USP7: variants seen among roughly 807,000 people sequenced by gnomAD.
USP7 encodes the protein ubiquitin C-terminal hydrolase 7.
Under a neutral mutation model 162.9 loss-of-function variants are expected in USP7, and 9 were observed. The ratio of observed to expected loss-of-function variants is 0.06; its 90% CI spans 0.03 to 0.10. The LOEUF is 0.10. USP7 is among the 10% of genes least tolerant of loss of function. The pLI, the probability that USP7 is intolerant of heterozygous loss-of-function variation, is 1.00. For missense variants in USP7, 715 were observed against 1,373.7 expected, an observed-to-expected ratio of 0.52 and a Z score of 7.58; for synonymous variants, 562 against 475.9, an observed-to-expected ratio of 1.18 and a Z score of -2.35.
rs1897799447 is a variant in USP7, at chr16:8,923,196, TA to T, written c.383+18del. On this transcript the variant is annotated intron_variant, in intron 3 of 30. Coordinates refer to ENST00000344836, the MANE Select transcript of USP7 (RefSeq NM_003470.3). ...TAGGCTGATCAAATTTGGCTTCCAGTAATGAAATACTGTCTTACGTGGAATC... is the reference window on the plus strand; with the variant it reads ...TAGGCTGATCAAATTTGGCTTCCAGTATGAAATACTGTCTTACGTGGAATC... The T allele has an allele frequency of 1.7e-5, 2 of 114,550 alleles. No homozygotes were observed. The highest frequency in any genetic ancestry group is 1.1e-4 in the South Asian group (2 of 18,472). 7.1% of individuals were successfully genotyped at this position (114,550 alleles called of 1,614,324 possible).
rs114199899 is a variant in USP7 at position 8,954,818 on chromosome 16, G to A, written c.79+8389C>T. Among the ~76,000 whole-genome samples, 1,131 of 152,172 alleles carry A rather than the reference G, an allele frequency of 7.4e-3. 20 individuals are homozygous for A. The highest frequency in any genetic ancestry group is 0.024 in the African/African-American group (1,000 of 41,510). On this transcript the variant is annotated intron_variant, in intron 1 of 30. Transcript: ENST00000344836. Reference sequence around the variant, plus strand: ...TACTAAAGATACAAAAAAATTAGCCGGTGCGGTGAGGGGCGCCTGTAGTCC... The same window carrying A: ...TACTAAAGATACAAAAAAATTAGCCAGTGCGGTGAGGGGCGCCTGTAGTCC...
intron 10 of USP7, 97 bp from the exon 11 acceptor site, chr16:8,910,924 G>T: frequency 1.9e-6 from 2 of 1,032,184 alleles, no homozygotes; most frequent in Non-Finnish European, 2.9e-6. Flanking sequence ...TTTAGGATTA[G>T]CAGAGAAGGT....
intron 1 of USP7, among the ~76,000 whole-genome samples, chr16:8,934,676 A>AC (rs1223867574): frequency 5.9e-5 from 9 of 152,204 alleles, no homozygotes; most frequent in African/African-American, 2.2e-4. Flanking sequence ...CCAAATTAAC[A>AC]CATCTGAGTT....
chr16:8,961,045 G>A (rs772380599), intron 1 of USP7, among the ~76,000 whole-genome samples: 9 of 152,174 alleles, frequency 5.9e-5, no homozygotes, highest in Non-Finnish European at 1.2e-4. Context: ...TTGAGATTCT[G>A]CTAAATTTAC....
In USP7 at chr16:8,900,562, T is replaced by C; in HGVS notation, c.2277A>G (p.Glu759=). 4 of 1,611,654 alleles carry C rather than the reference T, an allele frequency of 2.5e-6. No individual in the cohort carries two copies. Among genetic ancestry groups the C allele is most frequent in the Non-Finnish European group, 3.4e-6 (4 of 1,179,484 alleles). The stretch of plus-strand genomic sequence containing the variant: ...ATACTATGATGTCACCATCCATTAG[T>C]TCATCAAGGGCTTTATCAAGAGACA... ...YDVSLDKALD[E]LMDGDIIVFQ... The change falls in exon 21 of 31, where the codon GAA becomes GAG. Residue 759 remains glutamate (E), a synonymous_variant. Transcript: ENST00000344836.
intron 16 of USP7, among the ~76,000 whole-genome samples, chr16:8,902,741 A>G (rs995621766): frequency 1.3e-5 from 2 of 152,076 alleles, no homozygotes; most frequent in Non-Finnish European, 2.9e-5. Flanking sequence ...TACAAAAATC[A>G]GCTGGGCCTG....
intron 1 of USP7, among the ~76,000 whole-genome samples, chr16:8,959,506 G>T (rs182010819): frequency 1.3e-5 from 2 of 152,124 alleles, no homozygotes; most frequent in East Asian, 1.9e-4. Flanking sequence ...AAAACCTGAC[G>T]TGCTCACATC....
chr16:8,929,589 G>A (rs552459384), intron 2 of USP7: 1 of 456,050 alleles, frequency 2.2e-6, no homozygotes, highest in East Asian at 7.0e-5. Flanking sequence ...CATGCTTTTT[G>A]ACAGAACATG....
intron 22 of USP7, 70 bp from the exon 23 acceptor site, chr16:8,899,258 T>C: frequency 6.7e-7 from 1 of 1,487,786 alleles, no homozygotes; most frequent in East Asian, 2.3e-5. Flanking sequence ...TCATGCTTAA[T>C]TACTTAAAAT....
chr16:8,914,890 A>T (rs993394379), intron 10 of USP7, among the ~76,000 whole-genome samples: 1 of 152,252 alleles, frequency 6.6e-6, no homozygotes, highest in Non-Finnish European at 1.5e-5. Flanking sequence ...CAGCCTGTAC[A>T]GCACAACAAG....
intron 1 of USP7, among the ~76,000 whole-genome samples, chr16:8,950,606 A>G (rs939959448): frequency 4.6e-5 from 7 of 152,066 alleles, no homozygotes; most frequent in African/African-American, 1.7e-4. Context: ...GGGCGCTGAC[A>G]GAGACAACAG....
intron 1 of USP7, among the ~76,000 whole-genome samples, chr16:8,951,547 C>G (rs952683294): frequency 3.3e-5 from 5 of 152,126 alleles, no homozygotes; most frequent in African/African-American, 1.2e-4. Flanking sequence ...CCTATTTGCT[C>G]ATCTGTAAAT....
intron 1 of USP7, chr16:8,936,539 A>G (rs2141242764): frequency 6.7e-7 from 1 of 1,495,764 alleles, no homozygotes; most frequent in Non-Finnish European, 8.9e-7. Flanking sequence ...GGTTATCTCC[A>G]TCCATCACCA....
At chr16:8,914,478 GGA>G (rs2061998590) in intron 10 of USP7, among the ~76,000 whole-genome samples, 1 of 152,110 alleles carries the variant, frequency 6.6e-6, no homozygotes, top group Non-Finnish European at 1.5e-5. Context: ...CACCTCAAAT[GGA>G]GACCAACCCA....
intron 1 of USP7, among the ~76,000 whole-genome samples, chr16:8,939,423 C>T (rs1042183819): frequency 2.6e-5 from 4 of 152,222 alleles, no homozygotes; most frequent in South Asian, 2.1e-4. Context: ...GCCATTTGAC[C>T]ATTCACTTGC....
chr16:8,955,276 G>C (rs1899740235), intron 1 of USP7, among the ~76,000 whole-genome samples: 1 of 152,200 alleles, frequency 6.6e-6, no homozygotes, highest in Non-Finnish European at 1.5e-5. Context: ...ATTGGGGCCA[G>C]TGTCTCACCC....
At chr16:8,963,168 C>A (rs1343160509) in intron 1 of USP7, 39 bp downstream of exon 1, 1 of 1,385,004 alleles carries the variant, frequency 7.2e-7, no homozygotes, top group South Asian at 1.3e-5. Flanking sequence ...CAATGAAAGG[C>A]GCCCCCCGGC....
chr16:8,936,175 C>A (rs1457383551), intron 1 of USP7, among the ~76,000 whole-genome samples: 1 of 152,194 alleles, frequency 6.6e-6, no homozygotes. Flanking sequence ...GGTGTCTCCA[C>A]TCAGCCCCCC....
rs1491292288 is a variant in USP7, at chr16:8,955,719, A to AAC, written c.79+7487_79+7488insGT. On this transcript the variant is annotated intron_variant, in intron 1 of 30. Transcript: ENST00000344836. ...GATTCCATCTCAAAAAAAAAAAAAA[A>AAC]AAAAAAACATTGCACAGGGTCAATT... Among the ~76,000 whole-genome samples, 380 of 131,716 alleles carry AAC rather than the reference A, an allele frequency of 2.9e-3. 6 individuals are homozygous for AAC. Among genetic ancestry groups the AAC allele is most frequent in the African/African-American group, 0.011 (362 of 32,640 alleles). The allele number at this position is 131,716 out of a possible 152,430, so 86.4% of individuals were successfully genotyped here.
Sources: allele counts gnomAD v4.1 joint callset (sites outside exome capture counted in the v4.1 genomes callset), GRCh38; gene constraint gnomAD v4.1.1; transcripts MANE v1.5; gene names NCBI Gene and HGNC (gene_info 2026-07-23, HGNC 2026-07-21).